NRG1: variants seen among roughly 807,000 people sequenced by gnomAD.
The protein encoded by NRG1 is pro-neuregulin-1, membrane-bound isoform.
NRG1 carries 18 observed loss-of-function variants against 63.8 expected under a neutral mutation model. The ratio of observed to expected loss-of-function variants is 0.28; its 90% confidence interval spans 0.19 to 0.42. NRG1 has a LOEUF of 0.42. Ranked by LOEUF, NRG1 falls within the 10% of genes least tolerant of loss-of-function variation. The pLI, the probability that NRG1 is intolerant of heterozygous loss-of-function variation, is 1.00. For missense variants in NRG1, 762 were observed against 814.7 expected (o/e 0.94, Z 0.79); for synonymous variants, 302 against 301.3 (o/e 1.00, Z -0.02).
intron 1 of NRG1, among the ~76,000 whole-genome samples, chr8:32,420,326 A>C (rs1011381707): frequency 3.3e-5 from 5 of 152,114 alleles, no homozygotes; most frequent in Admixed American, 2.6e-4. Context: ...AGAGAAAGAA[A>C]AGTTCCAAAA....
chr8:32,582,478 A>G (rs900620851), intron 1 of NRG1, among the ~76,000 whole-genome samples: 1 of 152,200 alleles, frequency 6.6e-6, no homozygotes, highest in Admixed American at 6.5e-5. Context: ...TGAGTTTGCT[A>G]TTAAAATAAA....
chr8:31,794,167 G>A (rs1820977918), intron 1 of NRG1, among the ~76,000 whole-genome samples: 1 of 151,990 alleles, frequency 6.6e-6, no homozygotes, highest in Non-Finnish European at 1.5e-5. Flanking sequence ...ATTTTTAATG[G>A]GGTAAATATT....
At chr8:32,300,675 G>C (rs528299488) in intron 1 of NRG1, among the ~76,000 whole-genome samples, 65 of 152,186 alleles carry the variant, frequency 4.3e-4, no homozygotes, top group Non-Finnish European at 8.4e-4. Flanking sequence ...TAGTCATTTT[G>C]TTGTAGCTTT....
chr8:32,479,972 A>C (rs1034889855), intron 1 of NRG1, among the ~76,000 whole-genome samples: 4 of 152,148 alleles, frequency 2.6e-5, no homozygotes, highest in African/African-American at 7.2e-5. Flanking sequence ...GGTAAAGGAA[A>C]ATCCAACTAT....
chr8:32,540,210 A>G lies in NRG1; in HGVS notation c.38-55618A>G, dbSNP rs138602966. On this transcript the variant is annotated intron_variant, in intron 1 of 10. Coordinates refer to the NRG1 transcript ENST00000519301. ...ATAAAGGAAGGAGAGTATGGATTAG[A>G]TTTTAATAAAAGTTTCTTAGGGAAG... Among the ~76,000 whole-genome samples the G allele has an allele frequency of 8.0e-4, 122 of 152,262 alleles. 1 individual carries two copies. Among genetic ancestry groups the G allele is most frequent in the African/African-American group, 2.7e-3 (113 of 41,556 alleles).
At chr8:32,111,396 C>T (rs1832007097) in intron 1 of NRG1, among the ~76,000 whole-genome samples, 1 of 152,172 alleles carries the variant, frequency 6.6e-6, no homozygotes, top group African/African-American at 2.4e-5. Flanking sequence ...GGATTACAGG[C>T]ATGAGCCACT....
At chr8:31,765,158 A>G (rs1563375068) in intron 1 of NRG1, among the ~76,000 whole-genome samples, 1 of 152,102 alleles carries the variant, frequency 6.6e-6, no homozygotes, top group Non-Finnish European at 1.5e-5. Context: ...TAGAAACACA[A>G]TTTATTTTGT....
At chr8:32,083,416 G>T (rs2131180121) in intron 1 of NRG1, among the ~76,000 whole-genome samples, 1 of 152,328 alleles carries the variant, frequency 6.6e-6, no homozygotes, top group Non-Finnish European at 1.5e-5. Context: ...TATGTGTGTT[G>T]CAGGTTGGGG....
At chr8:31,774,712 C>T (rs779766186) in intron 1 of NRG1, among the ~76,000 whole-genome samples, 4 of 152,088 alleles carry the variant, frequency 2.6e-5, no homozygotes, top group Non-Finnish European at 5.9e-5. Flanking sequence ...TCCCAGTTGT[C>T]TGCAAGGAAC....
At chr8:32,180,096 A>G (rs1841272510) in intron 1 of NRG1, among the ~76,000 whole-genome samples, 1 of 152,098 alleles carries the variant, frequency 6.6e-6, no homozygotes, top group South Asian at 2.1e-4. Flanking sequence ...TCAGGTAAAA[A>G]TGTTTTGCCT....
chr8:32,150,797 T>C (rs972538336), intron 1 of NRG1, among the ~76,000 whole-genome samples: 1 of 152,140 alleles, frequency 6.6e-6, no homozygotes, highest in African/African-American at 2.4e-5. Flanking sequence ...GAAAAATGTG[T>C]GTAAAGAAGT....
intron 1 of NRG1, among the ~76,000 whole-genome samples, chr8:31,725,378 T>C (rs1168217796): frequency 6.6e-6 from 1 of 152,200 alleles, no homozygotes; most frequent in Admixed American, 6.5e-5. Context: ...TTTCTGTTGT[T>C]TGTTGCTGGG....
At chr8:32,588,110 T>C (rs1235708065) in intron 1 of NRG1, among the ~76,000 whole-genome samples, 2 of 151,836 alleles carry the variant, frequency 1.3e-5, no homozygotes, top group Non-Finnish European at 2.9e-5. Flanking sequence ...TTAGTAGAGA[T>C]GGCGTTTCAC....
At chr8:32,325,492 A>G (rs1801888340) in intron 1 of NRG1, among the ~76,000 whole-genome samples, 1 of 151,972 alleles carries the variant, frequency 6.6e-6, no homozygotes, top group South Asian at 2.1e-4. Context: ...GGCCTTTCCC[A>G]CCTCAGCCTT....
At chr8:32,137,490 G>A (rs1239266200) in intron 1 of NRG1, among the ~76,000 whole-genome samples, 1 of 152,056 alleles carries the variant, frequency 6.6e-6, no homozygotes, top group Non-Finnish European at 1.5e-5. Context: ...GAGCAGTTAA[G>A]TATATATTTT....
At chr8:31,837,575 A>T (rs1455486156) in intron 1 of NRG1, among the ~76,000 whole-genome samples, 3 of 152,034 alleles carry the variant, frequency 2.0e-5, no homozygotes, top group Non-Finnish European at 4.4e-5. Context: ...TCAACAGAGT[A>T]CTAGAACTTA....
intron 1 of NRG1, among the ~76,000 whole-genome samples, chr8:32,340,919 A>G (rs1170039401): frequency 1.3e-5 from 2 of 152,198 alleles, no homozygotes; most frequent in Non-Finnish European, 2.9e-5. Context: ...TTGCTTTACA[A>G]CAGTCAAGAT....
chr8:32,709,478 G>T (rs1472405257), intron 5 of NRG1, among the ~76,000 whole-genome samples: 1 of 151,828 alleles, frequency 6.6e-6, no homozygotes. Flanking sequence ...GGAGTACAGT[G>T]GCATGAACTA....
At chr8:31,919,184 T>A (rs1349264914) in intron 1 of NRG1, among the ~76,000 whole-genome samples, 3 of 152,132 alleles carry the variant, frequency 2.0e-5, no homozygotes, top group East Asian at 1.9e-4. Context: ...TTTGAAGGGT[T>A]TTTTGTGTCT....
Sources: gnomAD v4.1 joint callset for allele counts (sites outside exome capture counted in the v4.1 genomes callset) on GRCh38, gnomAD v4.1.1 for gene constraint, MANE v1.5 for transcripts, NCBI Gene and HGNC (gene_info 2026-07-23, HGNC 2026-07-21) for gene names.